The following ATG14 variants were observed in gnomAD, a reference collection of about 807,000 sequenced individuals.
ATG14 encodes the protein beclin 1-associated autophagy-related key regulator.
In ATG14, 35 loss-of-function variants were observed where a neutral mutation model predicts 60.4. The observed-to-expected ratio is 0.58, with a 90% CI of 0.44 to 0.77. The LOEUF is 0.77. Among genes scored for constraint, ATG14 ranks in the 30% least tolerant of loss-of-function variants. The probability of loss-of-function intolerance (pLI) is 0.00; values close to 1 mark genes in which losing one functional copy is unlikely to be tolerated. For synonymous variants in ATG14, 234 were observed against 228.8 expected (o/e 1.02, Z -0.21); for missense variants, 647 against 626.3 (o/e 1.03, Z -0.35).
chr14:55,401,969 G>T (rs563432618), intron 1 of ATG14, among the ~76,000 whole-genome samples: 45 of 152,332 alleles, frequency 3.0e-4, no homozygotes, highest in Non-Finnish European at 5.3e-4. Context: ...TAATGAGGTA[G>T]TGGTTATGAA....
At chr14:55,411,462 G>A (rs1885570470) in intron 1 of ATG14, 140 bp downstream of exon 1, 2 of 844,396 alleles carry the variant, frequency 2.4e-6, no homozygotes, top group South Asian at 1.8e-5. Flanking sequence ...CCGGTGCAGA[G>A]CAGCTAGCTA....
intron 1 of ATG14, among the ~76,000 whole-genome samples, chr14:55,410,236 G>A (rs1465594334): frequency 1.3e-5 from 2 of 152,194 alleles, no homozygotes; most frequent in Non-Finnish European, 2.9e-5. Context: ...TGTTGAATAA[G>A]CAGCTGTTTT....
intron 1 of ATG14, among the ~76,000 whole-genome samples, chr14:55,408,608 A>C (rs1885524948): frequency 6.6e-6 from 1 of 152,102 alleles, no homozygotes; most frequent in Non-Finnish European, 1.5e-5. Flanking sequence ...CTGTCTCTAC[A>C]AAAAATTTAA....
intron 4 of ATG14, among the ~76,000 whole-genome samples, chr14:55,390,018 C>T (rs1885187443): frequency 6.6e-6 from 1 of 151,468 alleles, no homozygotes; most frequent in South Asian, 2.1e-4. Flanking sequence ...CAAGTGAGTA[C>T]CAAGTTAAGA....
intron 4 of ATG14, among the ~76,000 whole-genome samples, chr14:55,388,555 A>G (rs373888685): frequency 1.3e-5 from 2 of 152,234 alleles, no homozygotes; most frequent in Admixed American, 1.3e-4. Flanking sequence ...TAACTTCCCT[A>G]TCTATGCCCT....
intron 5 of ATG14, among the ~76,000 whole-genome samples, chr14:55,384,993 A>G (rs2140134449): frequency 6.6e-6 from 1 of 152,324 alleles, no homozygotes; most frequent in South Asian, 2.1e-4. Context: ...TGTCTGTCCC[A>G]CCAGGGGTTA....
At chr14:55,390,275 T>C (rs192148622) in intron 4 of ATG14, among the ~76,000 whole-genome samples, 1 of 152,076 alleles carries the variant, frequency 6.6e-6, no homozygotes, top group African/African-American at 2.4e-5. Flanking sequence ...TTCACCATGT[T>C]GGCCAGGCTG....
chr14:55,389,005 T>C (rs1454487779), intron 4 of ATG14, among the ~76,000 whole-genome samples: 1 of 152,226 alleles, frequency 6.6e-6, no homozygotes, highest in Non-Finnish European at 1.5e-5. Flanking sequence ...ATGTGATCAT[T>C]TTCCTAAGTC....
intron 9 of ATG14, among the ~76,000 whole-genome samples, chr14:55,375,555 G>A (rs1020493863): frequency 3.5e-5 from 5 of 144,682 alleles, no homozygotes; most frequent in African/African-American, 7.7e-5. Flanking sequence ...TGTTGCCCAG[G>A]CTGGTCTTGA....
chr14:55,404,707 T>C (rs1885461877), intron 1 of ATG14, among the ~76,000 whole-genome samples: 3 of 152,190 alleles, frequency 2.0e-5, no homozygotes, highest in Admixed American at 2.0e-4. Flanking sequence ...CTTGGTTCAC[T>C]AGAGCACATA....
chr14:55,405,801 T>A (rs1371334083), intron 1 of ATG14, among the ~76,000 whole-genome samples: 3 of 149,852 alleles, frequency 2.0e-5, no homozygotes, highest in Non-Finnish European at 3.0e-5. Context: ...CTTCATCCCT[T>A]AAGGAAGCAT....
intron 7 of ATG14, among the ~76,000 whole-genome samples, chr14:55,379,291 T>C (rs1233126689): frequency 6.6e-6 from 1 of 151,990 alleles, no homozygotes; most frequent in Non-Finnish European, 1.5e-5. Context: ...ATCCCAGCAC[T>C]GTGGGAGGCA....
At chr14:55,407,206 G>A (rs2140154556) in intron 1 of ATG14, among the ~76,000 whole-genome samples, 1 of 152,272 alleles carries the variant, frequency 6.6e-6, no homozygotes, top group Middle Eastern at 3.4e-3. Context: ...TTGGCTCACT[G>A]CAACCTCCGC....
At chr14:55,381,238 C>G (rs1289957104) in intron 6 of ATG14, among the ~76,000 whole-genome samples, 1 of 152,188 alleles carries the variant, frequency 6.6e-6, no homozygotes, top group East Asian at 1.9e-4. Flanking sequence ...GTGCATGACA[C>G]AAAGCATGAG....
chr14:55,371,892 G>C (rs556556992), intron 9 of ATG14, among the ~76,000 whole-genome samples: 17 of 152,246 alleles, frequency 1.1e-4, no homozygotes, highest in African/African-American at 3.9e-4. Context: ...TCAGTATTTT[G>C]CAAGGGTGAA....
At position 55,382,903 on chromosome 14, in the gene ATG14, AT is replaced by A. The variant is rs58100513; in HGVS notation, c.648-713del. 9.3e-3 allele frequency among the ~76,000 whole-genome samples: 1,424 copies of A among 152,360 alleles called. 32 individuals carry two copies. The highest frequency in any genetic ancestry group is 0.033 in the African/African-American group (1,372 of 41,584). Reference sequence around the variant, plus strand: ...AGAAATACTGAGAAAAATATAAATAATTCATTCAAAAATACCAATAAACCTA... The same window carrying A: ...AGAAATACTGAGAAAAATATAAATAATCATTCAAAAATACCAATAAACCTA... On this transcript the variant is annotated intron_variant, in intron 5 of 9. Coordinates refer to ENST00000247178, the MANE Select transcript of ATG14 (RefSeq NM_014924.5).
chr14:55,397,728 G>A (rs2140145821), intron 1 of ATG14, among the ~76,000 whole-genome samples: 1 of 152,242 alleles, frequency 6.6e-6, no homozygotes, highest in East Asian at 1.9e-4. Context: ...GAACACTAAA[G>A]TGAATTTGAA....
chr14:55,409,440 T>C (rs1885537482), intron 1 of ATG14, among the ~76,000 whole-genome samples: 1 of 151,564 alleles, frequency 6.6e-6, no homozygotes. Context: ...AATTAATATG[T>C]ACAACCATCA....
intron 9 of ATG14, 87 bp from the exon 10 acceptor site, chr14:55,370,012 A>C: frequency 7.6e-7 from 1 of 1,313,686 alleles, no homozygotes; most frequent in Middle Eastern, 2.0e-4. Context: ...CCCTCACCTG[A>C]GGGGATGAGG....
Sources: gnomAD v4.1 joint callset for allele counts (sites outside exome capture counted in the v4.1 genomes callset) on GRCh38, gnomAD v4.1.1 for gene constraint, MANE v1.5 for transcripts, NCBI Gene and HGNC (gene_info 2026-07-23, HGNC 2026-07-21) for gene names.